The following NUDC variants were observed in gnomAD, a reference collection of about 807,000 sequenced individuals.
The protein encoded by NUDC is nuclear distribution C, dynein complex regulator.
Under a neutral mutation model 45.0 loss-of-function variants are expected in NUDC, and 14 were observed. The ratio of observed to expected loss-of-function variants is 0.31; its 90% CI spans 0.21 to 0.49. NUDC has a LOEUF of 0.49. Among genes scored for constraint, NUDC ranks in the 20% least tolerant of loss-of-function variants. The pLI, the probability that NUDC is intolerant of heterozygous loss-of-function variation, is 0.99. For synonymous variants in NUDC, 153 were observed against 156.7 expected (o/e 0.98, Z 0.17); for missense variants, 323 against 426.2 (o/e 0.76, Z 2.13).
At chr1:26,936,441 C>T (rs1253981736) in intron 2 of NUDC, among the ~76,000 whole-genome samples, 8 of 151,150 alleles carry the variant, frequency 5.3e-5, no homozygotes, top group African/African-American at 1.5e-4. Flanking sequence ...CCGCCTGCCT[C>T]GGCCTCCCAG....
chr1:26,943,807 A>G (rs1027206510), intron 6 of NUDC, among the ~76,000 whole-genome samples: 1 of 152,172 alleles, frequency 6.6e-6, no homozygotes, highest in Non-Finnish European at 1.5e-5. Context: ...AAAAGGGCCA[A>G]GGGTCTGAGG....
At chr1:26,941,850 C>A in intron 4 of NUDC, 32 bp downstream of exon 4, 1 of 1,606,754 alleles carries the variant, frequency 6.2e-7, no homozygotes, top group Non-Finnish European at 8.5e-7. Flanking sequence ...TGGGATGAGC[C>A]AGGAGCTTGG....
chr1:26,910,267 G>A lies in NUDC; in HGVS notation c.-15-861G>A, dbSNP rs949420931. 1.2e-4 allele frequency among the ~76,000 whole-genome samples: 19 copies of A among 152,256 alleles called. 1 individual carries two copies. The highest frequency in any genetic ancestry group is 8.5e-4 in the Admixed American group (13 of 15,290). The stretch of plus-strand genomic sequence containing the variant: ...GGTGGTTGGAGAGTCTGTTTTATGC[G>A]TCTGTGTAGGTGTGCCTGAGTTGTA... On this transcript the variant is annotated intron_variant, in intron 2 of 6. Coordinates refer to the NUDC transcript ENST00000435827.
At chr1:26,913,508 C>T (rs2082040920) in intron 3 of NUDC, 1 of 1,613,510 alleles carries the variant, frequency 6.2e-7, no homozygotes, top group Non-Finnish European at 8.5e-7. Context: ...CACTGCACCG[C>T]AGCCAGGGAG....
intron 1 of NUDC, 51 bp downstream of exon 1, chr1:26,921,980 TC>T: frequency 6.6e-7 from 1 of 1,523,554 alleles, no homozygotes; most frequent in Non-Finnish European, 8.9e-7. Flanking sequence ...CCACGCTCCT[TC>T]CGCCCTTCTC....
chr1:26,916,847 C>G (rs142670795), upstream of NUDC, among the ~76,000 whole-genome samples: 2 of 152,064 alleles, frequency 1.3e-5, 1 homozygote, highest in South Asian at 4.2e-4. Flanking sequence ...TCCAGCTACT[C>G]GAAAGACTAA....
chr1:26,909,864 C>A (rs2082018319), intron 2 of NUDC, among the ~76,000 whole-genome samples: 1 of 151,646 alleles, frequency 6.6e-6, no homozygotes, highest in African/African-American at 2.4e-5. Context: ...CTGAAGGATG[C>A]CTTTATTGGG....
chr1:26,913,188 AG>A (rs1302313285), intron 3 of NUDC, among the ~76,000 whole-genome samples: 2 of 152,162 alleles, frequency 1.3e-5, no homozygotes, highest in Non-Finnish European at 2.9e-5. Context: ...CGGGAGGCTG[AG>A]GCAGAGAAAA....
At chr1:26,935,192 A>G (rs1226408844) in intron 2 of NUDC, among the ~76,000 whole-genome samples, 2 of 148,932 alleles carry the variant, frequency 1.3e-5, no homozygotes. Flanking sequence ...GTGTTGGCCA[A>G]CCTGGTCTCG....
At chr1:26,911,681 G>T in intron 3 of NUDC, 1 of 807,496 alleles carries the variant, frequency 1.2e-6, no homozygotes, top group Non-Finnish European at 2.1e-6. Flanking sequence ...AACCAAGGAA[G>T]TCCAATGTGG....
intron 3 of NUDC, chr1:26,912,152 G>A: frequency 6.3e-7 from 1 of 1,597,660 alleles, no homozygotes; most frequent in Non-Finnish European, 8.5e-7. Flanking sequence ...GGACAAGACT[G>A]GCCCAAGATC....
intron 2 of NUDC, among the ~76,000 whole-genome samples, chr1:26,941,085 C>CA (rs2082272584): frequency 1.1e-5 from 1 of 91,378 alleles, no homozygotes; most frequent in Non-Finnish European, 2.0e-5. Context: ...CCATGCCCAG[C>CA]TTTTTTTTTT....
chr1:26,931,139 G>A (rs1417816759), intron 2 of NUDC, among the ~76,000 whole-genome samples: 4 of 149,518 alleles, frequency 2.7e-5, no homozygotes, highest in South Asian at 2.1e-4. Flanking sequence ...GTGCAGTGGC[G>A]CCATCTTGGC....
chr1:26,904,805 C>T (rs1175532615), intron 2 of NUDC, among the ~76,000 whole-genome samples: 1 of 151,996 alleles, frequency 6.6e-6, no homozygotes, highest in African/African-American at 2.4e-5. Context: ...AAACTAAGTT[C>T]ACACATGGTA....
upstream of NUDC, among the ~76,000 whole-genome samples, chr1:26,917,112 G>A (rs2082065620): frequency 6.6e-6 from 1 of 151,556 alleles, no homozygotes; most frequent in African/African-American, 2.4e-5. Flanking sequence ...ACAAAAATGA[G>A]TCAGACATGG....
At chr1:26,913,857 G>T in intron 3 of NUDC, 1 of 1,507,880 alleles carries the variant, frequency 6.6e-7, no homozygotes, top group Non-Finnish European at 8.9e-7. Context: ...CAGCCTTGAG[G>T]CTGGAGCTCA....
At chr1:26,929,644 TG>T in intron 2 of NUDC, 1 of 356,658 alleles carries the variant, frequency 2.8e-6, no homozygotes, top group Non-Finnish European at 5.8e-6. Flanking sequence ...ACTACCCTAT[TG>T]CATTCCACTT....
At chr1:26,909,560 G>C (rs2124061114) in intron 2 of NUDC, among the ~76,000 whole-genome samples, 1 of 152,326 alleles carries the variant, frequency 6.6e-6, no homozygotes, top group Middle Eastern at 3.4e-3. Flanking sequence ...TAAGAGGTGG[G>C]AAGACCCAGC....
At chr1:26,927,461 G>C (rs1021111821) in intron 2 of NUDC, among the ~76,000 whole-genome samples, 9 of 149,616 alleles carry the variant, frequency 6.0e-5, no homozygotes, top group Non-Finnish European at 1.3e-4. Context: ...GCAGTGGAGC[G>C]ATCTCAGCTC....
Sources: allele counts gnomAD v4.1 joint callset (sites outside exome capture counted in the v4.1 genomes callset), GRCh38; gene constraint gnomAD v4.1.1; transcripts MANE v1.5; gene names NCBI Gene and HGNC (gene_info 2026-07-23, HGNC 2026-07-21).